Variants in WDR7 observed in about 807,000 individuals in gnomAD.
The protein encoded by WDR7 is WD repeat domain 7, also known as WD repeat-containing protein 7.
WDR7 carries 46 observed loss-of-function variants against 169.4 expected under a neutral mutation model. The ratio of observed to expected loss-of-function variants is 0.27; its 90% CI spans 0.21 to 0.35. The LOEUF (loss-of-function observed/expected upper bound fraction) is 0.35. Among genes scored for constraint, WDR7 ranks in the 10% least tolerant of loss-of-function variants. WDR7 has a pLI of 1.00. For synonymous variants in WDR7, 612 were observed against 666.8 expected, an observed-to-expected ratio of 0.92 and a Z score of 1.27; for missense variants, 1,534 against 1,859.3, an observed-to-expected ratio of 0.83 and a Z score of 3.22.
intron 21 of WDR7, among the ~76,000 whole-genome samples, chr18:56,891,963 T>G (rs1398946505): frequency 6.6e-6 from 1 of 152,130 alleles, no homozygotes; most frequent in Non-Finnish European, 1.5e-5. Context: ...GGCTACTCAT[T>G]TTGCTCTTAC....
chr18:56,766,922 C>T (rs967002882), intron 16 of WDR7, among the ~76,000 whole-genome samples: 3 of 152,088 alleles, frequency 2.0e-5, no homozygotes, highest in Non-Finnish European at 4.4e-5. Flanking sequence ...TGCCTCTTTG[C>T]GTGTTTGATA....
chr18:56,977,626 C>T (rs935600315), intron 26 of WDR7, among the ~76,000 whole-genome samples: 1 of 152,190 alleles, frequency 6.6e-6, no homozygotes, highest in Non-Finnish European at 1.5e-5. Flanking sequence ...AATTCTGCTC[C>T]TGCTTTAAAG....
At chr18:56,715,644 G>C (rs985813029) in intron 12 of WDR7, among the ~76,000 whole-genome samples, 2 of 152,018 alleles carry the variant, frequency 1.3e-5, no homozygotes, top group Non-Finnish European at 2.9e-5. Context: ...GACTAGCCTG[G>C]GCAACATAGA....
intron 16 of WDR7, among the ~76,000 whole-genome samples, chr18:56,773,338 G>A (rs556628880): frequency 1.4e-5 from 2 of 140,052 alleles, no homozygotes; most frequent in Admixed American, 6.9e-5. Context: ...TTTCTTTAAA[G>A]AGAAGTTTTT....
intron 20 of WDR7, among the ~76,000 whole-genome samples, chr18:56,849,056 C>A (rs991610174): frequency 6.6e-6 from 1 of 152,146 alleles, no homozygotes; most frequent in African/African-American, 2.4e-5. Context: ...TATATATCAA[C>A]TTTTAAAATT....
At chr18:56,938,779 A>T in intron 24 of WDR7, 97 bp downstream of exon 24, 7 of 1,352,000 alleles carry the variant, frequency 5.2e-6, no homozygotes, top group Middle Eastern at 1.9e-4. Context: ...GCATCTCTAA[A>T]AGAGATGAAG....
chr18:56,999,972 T>G (rs1430065046), intron 26 of WDR7, among the ~76,000 whole-genome samples: 1 of 152,176 alleles, frequency 6.6e-6, no homozygotes, highest in Non-Finnish European at 1.5e-5. Flanking sequence ...TGAGGCAGAA[T>G]TCTCTGTGAC....
chr18:56,824,646 C>T (rs897309462), intron 20 of WDR7, among the ~76,000 whole-genome samples: 6 of 152,146 alleles, frequency 3.9e-5, no homozygotes, highest in Admixed American at 2.0e-4. Context: ...CTCAAAACAT[C>T]TTGGTAACAC....
chr18:56,875,840 GAGTTC>G (rs2046014507), intron 20 of WDR7, among the ~76,000 whole-genome samples: 1 of 152,128 alleles, frequency 6.6e-6, no homozygotes, highest in South Asian at 2.1e-4. Context: ...TTGAATAACT[GAGTTC>G]AGTAATGGAT....
chr18:57,011,693 C>T (rs1380088545), intron 26 of WDR7, among the ~76,000 whole-genome samples: 1 of 152,202 alleles, frequency 6.6e-6, no homozygotes, highest in Non-Finnish European at 1.5e-5. Flanking sequence ...CGGTTTTCAA[C>T]TCTCAAATCT....
At chr18:56,797,390 G>A (rs1163976933) in intron 19 of WDR7, among the ~76,000 whole-genome samples, 1 of 152,044 alleles carries the variant, frequency 6.6e-6, no homozygotes, top group Middle Eastern at 3.2e-3. Flanking sequence ...TAGTTTACTA[G>A]AGATAAATGG....
intron 14 of WDR7, among the ~76,000 whole-genome samples, chr18:56,741,463 C>A (rs530740367): frequency 1.3e-5 from 2 of 152,208 alleles, no homozygotes; most frequent in South Asian, 2.1e-4. Context: ...TGTATTTAAT[C>A]GGCCCTTCCT....
chr18:57,029,436 C>T lies in WDR7; in HGVS notation c.*2229C>T, dbSNP rs1449577338. 1 of 152,190 alleles carries T rather than the reference C, an allele frequency of 6.6e-6. No homozygotes were observed. The highest frequency in any genetic ancestry group is 2.4e-5 in the African/African-American group (1 of 41,454). The allele number at this position is 152,190 out of a possible 1,614,324, so 9.4% of individuals were successfully genotyped here. A position where few individuals can be genotyped will look rare whatever the true frequency, so the allele number is the denominator to read the frequency against. On this transcript the variant is annotated 3_prime_UTR_variant, in exon 28 of 28. Transcript: ENST00000254442. ...CTTGTTAACATAAATCTCTCCTTGG[C>T]TATTTTAATAGCCACAGTCCCAAAC...
intron 12 of WDR7, among the ~76,000 whole-genome samples, chr18:56,710,379 TAC>T (rs1249642623): frequency 6.6e-6 from 1 of 152,226 alleles, no homozygotes; most frequent in Non-Finnish European, 1.5e-5. Flanking sequence ...ATACTGTAGA[TAC>T]AGTTTCCTGT....
intron 16 of WDR7, among the ~76,000 whole-genome samples, chr18:56,767,815 G>T (rs1043829312): frequency 3.3e-5 from 5 of 152,120 alleles, no homozygotes; most frequent in African/African-American, 1.2e-4. Flanking sequence ...CTTAGTAATG[G>T]TAGTATGATT....
intron 20 of WDR7, among the ~76,000 whole-genome samples, chr18:56,877,729 G>A (rs2046045175): frequency 1.3e-5 from 2 of 152,032 alleles, no homozygotes; most frequent in African/African-American, 2.4e-5. Flanking sequence ...ATAGTTCAAG[G>A]CCAGAAAATA....
chr18:56,694,271 G>A (rs893273413), intron 9 of WDR7, among the ~76,000 whole-genome samples: 3 of 152,148 alleles, frequency 2.0e-5, no homozygotes, highest in African/African-American at 4.8e-5. Context: ...ATAAAGCTTA[G>A]CTATGTGTTA....
At chr18:56,702,975 A>G (rs184400881) in intron 12 of WDR7, among the ~76,000 whole-genome samples, 3 of 152,366 alleles carry the variant, frequency 2.0e-5, no homozygotes, top group East Asian at 1.9e-4. Context: ...GTTTAGTACC[A>G]GTGATATGTT....
chr18:56,806,753 T>C (rs2044779956), intron 19 of WDR7, among the ~76,000 whole-genome samples: 1 of 152,222 alleles, frequency 6.6e-6, no homozygotes, highest in Non-Finnish European at 1.5e-5. Context: ...TTTGTACTTT[T>C]GTGTCTCTAA....
Sources: allele counts gnomAD v4.1 joint callset (sites outside exome capture counted in the v4.1 genomes callset), GRCh38; gene constraint gnomAD v4.1.1; transcripts MANE v1.5; gene names NCBI Gene and HGNC (gene_info 2026-07-23, HGNC 2026-07-21).